Variants in MBD3 observed in about 807,000 individuals in gnomAD.
MBD3 encodes the protein methyl-CpG-binding domain protein 3.
Under a neutral mutation model 31.2 loss-of-function variants are expected in MBD3, and 13 were observed. The ratio of observed to expected loss-of-function variants is 0.42; its 90% confidence interval spans 0.27 to 0.66. The LOEUF is 0.66. Among genes scored for constraint, MBD3 ranks in the 30% least tolerant of loss-of-function variants. MBD3 has a pLI of 0.26. For missense variants in MBD3, 440 were observed against 426.5 expected, an observed-to-expected ratio of 1.03 and a Z score of -0.28; for synonymous variants, 223 against 187.4, an observed-to-expected ratio of 1.19 and a Z score of -1.55.
chr19:1,591,737 T>C (rs2060704574), intron 1 of MBD3, among the ~76,000 whole-genome samples: 2 of 150,912 alleles, frequency 1.3e-5, no homozygotes, highest in Admixed American at 1.3e-4. Flanking sequence ...GGTGGCCGAC[T>C]GTCTGGGACT....
In MBD3 at chr19:1,590,488, C is replaced by T. The variant is rs971462722; in HGVS notation, c.110+2034G>A. Among the ~76,000 whole-genome samples the T allele has an allele frequency of 2.0e-5, 3 of 152,050 alleles. 1 individual carries two copies. The highest frequency in any genetic ancestry group is 6.6e-5 in the Admixed American group (1 of 15,258). ...TAAAAATAAGCCAGGTATGGTGGCACGTGCCTGTAATTCCCACTACTTGGG... is the reference window on the plus strand; with the variant it reads ...TAAAAATAAGCCAGGTATGGTGGCATGTGCCTGTAATTCCCACTACTTGGG... On this transcript the variant is annotated intron_variant, in intron 1 of 6. Coordinates refer to ENST00000434436, the MANE Select transcript of MBD3 (RefSeq NM_001281453.2).
chr19:1,581,008 G>A, intron 5 of MBD3, 84 bp downstream of exon 5: 2 of 1,526,812 alleles, frequency 1.3e-6, no homozygotes, highest in Non-Finnish European at 1.8e-6. Context: ...GAGACGGGAA[G>A]CACGCAGGCA....
chr19:1,583,438 TCAG>T (rs2060662697), intron 3 of MBD3: 1 of 150,064 alleles, frequency 6.7e-6, no homozygotes, highest in African/African-American at 2.5e-5. Context: ...CACACGGTTC[TCAG>T]GTTTTTAAGA....
In MBD3 at chr19:1,575,212, C is replaced by G. The variant is rs1246423919; in HGVS notation, c.*2952G>C. Reference sequence around the variant, plus strand: ...TGGGAAGCTGGGGCGGGCGGATCACCTGAGGTTAGGAGTTCCAGACCAGAC... The same window carrying G: ...TGGGAAGCTGGGGCGGGCGGATCACGTGAGGTTAGGAGTTCCAGACCAGAC... On this transcript the variant is annotated 3_prime_UTR_variant, in exon 7 of 7. Transcript: ENST00000434436. The G allele has an allele frequency of 2.3e-6, 1 of 433,996 alleles. No individual in the cohort carries two copies. The highest frequency in any genetic ancestry group is 4.7e-6 in the Non-Finnish European group (1 of 212,274). 26.9% of individuals were successfully genotyped at this position (433,996 alleles called of 1,614,324 possible). A position where few individuals can be genotyped will look rare whatever the true frequency, so the allele number is the denominator to read the frequency against.
Position 1,575,526 on chromosome 19 carries a change from GC to G in MBD3, c.*2637del. The G allele has an allele frequency of 5.0e-6, 1 of 199,554 alleles. No homozygotes were observed. Among genetic ancestry groups the G allele is most frequent in the South Asian group, 6.2e-5 (1 of 16,172 alleles). 12.4% of individuals were successfully genotyped at this position (199,554 alleles called of 1,614,324 possible). On this transcript the variant is annotated 3_prime_UTR_variant, in exon 7 of 7. Transcript: ENST00000434436. ...CCGCACAGGGCAGGCTGGTCATGAG[GC>G]CCCCACGAAAGATCCCAGCATTGGG...
In MBD3 at chr19:1,578,280, G is replaced by C. The variant is rs1229132028; in HGVS notation, c.*5+55C>G. ...ATCCCAAGCACATCTGTGTTCACCA[G>C]GCAGTCCCCACTGCCAGGACCCGAC... On this transcript the variant is annotated intron_variant, in intron 6 of 6. Coordinates refer to ENST00000434436, the MANE Select transcript of MBD3 (RefSeq NM_001281453.2). This position sits in a 1 kb window ranked among gnomAD's most constrained non-coding sequence, Gnocchi z 6.1. The C allele has an allele frequency of 6.3e-7, 1 of 1,597,620 alleles. No individual in the cohort carries two copies. The highest frequency in any genetic ancestry group is 1.3e-5 in the African/African-American group (1 of 74,830).
In MBD3 at chr19:1,592,566, T is replaced by C. The variant is rs1408149415; in HGVS notation, c.66A>G (p.Arg22=). Residue 22 remains arginine (R), a synonymous_variant, in exon 1 of 7, where the codon AGA becomes AGG. Coordinates refer to ENST00000434436, the MANE Select transcript of MBD3 (RefSeq NM_001281453.2). ...PQGWEREEVP[R]RSGLSAGHRD... is the part of the protein sequence containing the mutation. Reference sequence around the variant, plus strand: ...TGTGGCCGGCCGACAGCCCCGACCTTCTGGGCACTTCTTCCCTCTCCCAGC... The same window carrying C: ...TGTGGCCGGCCGACAGCCCCGACCTCCTGGGCACTTCTTCCCTCTCCCAGC... 3 of 1,443,234 alleles carry C rather than the reference T, an allele frequency of 2.1e-6. No individual in the cohort carries two copies. Among genetic ancestry groups the C allele is most frequent in the South Asian group, 1.2e-5 (1 of 85,364 alleles). 89.4% of individuals were successfully genotyped at this position (1,443,234 alleles called of 1,614,324 possible).
chr19:1,579,433 C>T (rs1394675815), intron 5 of MBD3, among the ~76,000 whole-genome samples: 1 of 152,122 alleles, frequency 6.6e-6, no homozygotes, highest in Admixed American at 6.6e-5. Context: ...AGGGTGGCCG[C>T]TCCTCTGCCT....
Position 1,575,021 on chromosome 19 carries a change from C to A in MBD3, c.*3143G>T. Reference sequence around the variant, plus strand: ...TGGCTGGGCCGAGGGCTGGGAGGTGCATCCTCGCCACGGGGGTCCTGAGCC... The same window carrying A: ...TGGCTGGGCCGAGGGCTGGGAGGTGAATCCTCGCCACGGGGGTCCTGAGCC... On this transcript the variant is annotated 3_prime_UTR_variant, in exon 7 of 7. Transcript: ENST00000434436. 2.8e-6 allele frequency: 1 copy of A among 357,674 alleles called. No homozygotes were observed. Among genetic ancestry groups the A allele is most frequent in the Non-Finnish European group, 5.7e-6 (1 of 176,646 alleles). 22.2% of individuals were successfully genotyped at this position (357,674 alleles called of 1,614,324 possible).
chr19:1,590,533 G>A (rs1459716638), intron 1 of MBD3, among the ~76,000 whole-genome samples: 1 of 152,046 alleles, frequency 6.6e-6, no homozygotes, highest in African/African-American at 2.4e-5. Flanking sequence ...TGAGAGGGTC[G>A]CCTGAGCCTG....
At position 1,578,737 on chromosome 19, in the gene MBD3, G is replaced by C. The variant is rs967505127; in HGVS notation, c.678-199C>G. ...CCGGCTGCCGCTGGCCATCGCCAGC[G>C]TCCGCCACCCTCCCAGATGGCCCCC... On this transcript the variant is annotated intron_variant, in intron 5 of 6. Transcript: ENST00000434436. This position sits in a 1 kb window ranked among gnomAD's most constrained non-coding sequence, Gnocchi z 6.1. Among the ~76,000 whole-genome samples the C allele has an allele frequency of 6.6e-6, 1 of 152,098 alleles. No individual in the cohort carries two copies. The highest frequency in any genetic ancestry group is 1.5e-5 in the Non-Finnish European group (1 of 67,998).
rs1917281469 is a variant in MBD3, at chr19:1,578,946, G to A, written c.678-408C>T. Among the ~76,000 whole-genome samples, 1 of 152,154 alleles carries A rather than the reference G, an allele frequency of 6.6e-6. No homozygotes were observed. The highest frequency in any genetic ancestry group is 1.5e-5 in the Non-Finnish European group (1 of 68,018). On this transcript the variant is annotated intron_variant, in intron 5 of 6. Coordinates refer to ENST00000434436, the MANE Select transcript of MBD3 (RefSeq NM_001281453.2). This position sits in a 1 kb window ranked among gnomAD's most constrained non-coding sequence, Gnocchi z 6.1. ...TGCCTGTAATCCCAGCACTTTGGGA[G>A]GCCGAGGTGGGCAGATCACTTGAGG...
Position 1,578,126 on chromosome 19 carries a change from T to C in MBD3, c.*38A>G, listed in dbSNP as rs1472663756. ...GCCGAGGACCGCGTCTGCAGGCGGC[T>C]CCAGCAGGCAGCACGGGCTCTCGGC... On this transcript the variant is annotated 3_prime_UTR_variant, in exon 7 of 7. Transcript: ENST00000434436. This position sits in a 1 kb window ranked among gnomAD's most constrained non-coding sequence, Gnocchi z 6.1. 8.1e-6 allele frequency: 6 copies of C among 742,530 alleles called. No homozygotes were observed. Among genetic ancestry groups the C allele is most frequent in the Non-Finnish European group, 1.3e-5 (6 of 465,176 alleles). 46.0% of individuals were successfully genotyped at this position (742,530 alleles called of 1,614,324 possible).
At chr19:1,589,339 G>A (rs972336170) in intron 1 of MBD3, among the ~76,000 whole-genome samples, 1 of 112,586 alleles carries the variant, frequency 8.9e-6, no homozygotes, top group Non-Finnish European at 1.7e-5. Context: ...AACGAAACTC[G>A]GTCTCAAAAA....
In MBD3 at chr19:1,575,153, G is replaced by A; in HGVS notation, c.*3011C>T. Reference sequence around the variant, plus strand: ...GCTGCTGGCAAGTGCCAGAAGGGCTGCCATGGTGGTTCACACCTGTAATCC... The same window carrying A: ...GCTGCTGGCAAGTGCCAGAAGGGCTACCATGGTGGTTCACACCTGTAATCC... On this transcript the variant is annotated 3_prime_UTR_variant, in exon 7 of 7. Coordinates refer to ENST00000434436, the MANE Select transcript of MBD3 (RefSeq NM_001281453.2). The A allele has an allele frequency of 2.3e-6, 1 of 429,630 alleles. No individual in the cohort carries two copies. The highest frequency in any genetic ancestry group is 4.7e-6 in the Non-Finnish European group (1 of 211,100). The allele number at this position is 429,630 out of a possible 1,614,324, so 26.6% of individuals were successfully genotyped here.
chr19:1,586,397 T>C (rs1465227226), intron 1 of MBD3: 1 of 152,288 alleles, frequency 6.6e-6, no homozygotes, highest in Non-Finnish European at 1.5e-5. Flanking sequence ...CAGTGTGTGA[T>C]CCCATTTCTA....
chr19:1,581,022 G>T, intron 5 of MBD3, 70 bp downstream of exon 5: 1 of 1,582,524 alleles, frequency 6.3e-7, no homozygotes, highest in South Asian at 1.1e-5. Context: ...GCAGGCACAC[G>T]GGGACACTCA....
In MBD3 at chr19:1,585,206, C is replaced by T; in HGVS notation, c.119G>A (p.Gly40Glu). ...HRDVFYYSPS[G>E]KKFRSKPQLA... ...CTGCGGCTTGCTGCGGAACTTCTTC[C>T]CGCTCGGGCTGCGGGGAGGCGGGAC... Residue 40 changes from glycine (G) to glutamate (E), a missense_variant, in exon 2 of 7, where the codon GGG (glycine) becomes GAG (glutamate). Coordinates refer to ENST00000434436, the MANE Select transcript of MBD3 (RefSeq NM_001281453.2). This position sits in a 1 kb window ranked among gnomAD's most constrained non-coding sequence, Gnocchi z 4.1. 1 of 1,596,740 alleles carries T rather than the reference C, an allele frequency of 6.3e-7. No homozygotes were observed. The highest frequency in any genetic ancestry group is 8.5e-7 in the Non-Finnish European group (1 of 1,176,664).
At chr19:1,584,729 A>C (rs1198331193) in intron 2 of MBD3, 52 bp from the exon 3 acceptor site, 1 of 1,580,400 alleles carries the variant, frequency 6.3e-7, no homozygotes, top group Non-Finnish European at 8.6e-7. Context: ...GGCGGCGCGG[A>C]GCCTCAGGGG....
Sources: allele counts gnomAD v4.1 joint callset (sites outside exome capture counted in the v4.1 genomes callset), GRCh38; gene constraint gnomAD v4.1.1; non-coding constraint Gnocchi (gnomAD v3.1); transcripts MANE v1.5; gene names NCBI Gene and HGNC (gene_info 2026-07-23, HGNC 2026-07-21).